Variants in BRWD1 observed in about 807,000 individuals in gnomAD.
The protein encoded by BRWD1 is bromodomain and WD repeat-containing protein 1.
A neutral mutation model predicts 251.2 loss-of-function variants in BRWD1; 82 were observed. The ratio of observed to expected loss-of-function variants is 0.33; its 90% CI spans 0.27 to 0.39. The LOEUF is 0.39. Ranked by LOEUF, BRWD1 falls within the 10% of genes least tolerant of loss-of-function variation. The pLI is 1.00. For missense variants in BRWD1, 2,233 were observed against 2,711.6 expected, an observed-to-expected ratio of 0.82 and a Z score of 3.92; for synonymous variants, 918 against 902.8, an observed-to-expected ratio of 1.02 and a Z score of -0.30.
In BRWD1 at chr21:39,195,013, C is replaced by T; in HGVS notation, c.*1246G>A. 2 of 1,393,550 alleles carry T rather than the reference C, an allele frequency of 1.4e-6. No individual in the cohort carries two copies. The highest frequency in any genetic ancestry group is 1.9e-6 in the Non-Finnish European group (2 of 1,077,014). The allele number at this position is 1,393,550 out of a possible 1,614,324, so 86.3% of individuals were successfully genotyped here. On this transcript the variant is annotated 3_prime_UTR_variant, in exon 41 of 41. Coordinates refer to ENST00000342449, the MANE Select transcript of BRWD1 (RefSeq NM_033656.4). ...GGAATGGCCATCTACACTGGAGTAG[C>T]ATAACCTATCAAGTATTTGGTTAGA...
chr21:39,202,261 G>T (rs2032146816), intron 38 of BRWD1, 64 bp downstream of exon 38: 1 of 1,211,400 alleles, frequency 8.3e-7, no homozygotes. Context: ...TAAATCTCTA[G>T]TAACGGCCAG....
chr21:39,234,308 T>C (rs557119165), intron 23 of BRWD1, among the ~76,000 whole-genome samples: 4 of 152,264 alleles, frequency 2.6e-5, no homozygotes, highest in Admixed American at 2.0e-4. Flanking sequence ...GGAGCTTATG[T>C]TTGGGAAGCT....
intron 4 of BRWD1, among the ~76,000 whole-genome samples, chr21:39,309,089 G>A (rs1017713914): frequency 1.3e-4 from 19 of 151,870 alleles, no homozygotes; most frequent in African/African-American, 3.4e-4. Flanking sequence ...CAGGCAAATC[G>A]CTTGAACCCG....
intron 4 of BRWD1, 24 bp downstream of exon 4, chr21:39,312,817 G>C: frequency 6.3e-7 from 1 of 1,587,686 alleles, no homozygotes; most frequent in South Asian, 1.1e-5. Context: ...GAAAACCCGG[G>C]GAGCAAACGT....
intron 4 of BRWD1, 23 bp from the exon 5 acceptor site, chr21:39,298,605 T>C (rs758025059): frequency 4.5e-6 from 7 of 1,558,360 alleles, no homozygotes; most frequent in Non-Finnish European, 6.1e-6. Flanking sequence ...CAAGTTTTAA[T>C]GACAACAGCT....
chr21:39,309,523 T>C (rs893424226), intron 4 of BRWD1, among the ~76,000 whole-genome samples: 9 of 151,640 alleles, frequency 5.9e-5, no homozygotes, highest in African/African-American at 2.2e-4. Context: ...TCAAACTAAT[T>C]GTAAAAAGAC....
At chr21:39,232,565 A>G (rs2033657229) in intron 23 of BRWD1, 67 bp from the exon 24 acceptor site, 5 of 1,529,572 alleles carry the variant, frequency 3.3e-6, no homozygotes, top group Non-Finnish European at 2.6e-6. Context: ...CTGAATGAAA[A>G]ATAAAAGAAA....
chr21:39,234,723 A>G (rs1438847687), intron 23 of BRWD1, among the ~76,000 whole-genome samples: 2 of 152,178 alleles, frequency 1.3e-5, no homozygotes, highest in African/African-American at 2.4e-5. Context: ...AGAAAATCAG[A>G]AAACTGGGCT....
intron 13 of BRWD1, among the ~76,000 whole-genome samples, chr21:39,272,081 C>T (rs1181868909): frequency 7.1e-6 from 1 of 140,866 alleles, no homozygotes; most frequent in African/African-American, 2.7e-5. Context: ...AAAAAAAACA[C>T]ACAGAAGAGA....
intron 20 of BRWD1, among the ~76,000 whole-genome samples, chr21:39,249,764 GAT>G (rs1165076679): frequency 6.6e-6 from 1 of 152,106 alleles, no homozygotes; most frequent in East Asian, 1.9e-4. Context: ...TTTCACGAGT[GAT>G]AATAGGTTAA....
intron 37 of BRWD1, among the ~76,000 whole-genome samples, chr21:39,202,878 T>A (rs2032182133): frequency 6.6e-6 from 1 of 152,232 alleles, no homozygotes; most frequent in Admixed American, 6.5e-5. Flanking sequence ...TCATTCATAC[T>A]ACCAATGTAA....
chr21:39,257,202 T>TA (rs5843954), intron 18 of BRWD1, among the ~76,000 whole-genome samples: 15,490 of 136,954 alleles, frequency 0.11, 936 homozygotes, highest in East Asian at 0.16. Flanking sequence ...TGAAGCTATT[T>TA]AAAAAAAAAA....
At chr21:39,276,092 A>G in intron 12 of BRWD1, 81 bp downstream of exon 12, 1 of 1,204,616 alleles carries the variant, frequency 8.3e-7, no homozygotes, top group South Asian at 2.0e-5. Flanking sequence ...TACATACAAA[A>G]TGACAGGTTA....
intron 4 of BRWD1, among the ~76,000 whole-genome samples, chr21:39,305,239 G>A (rs553285514): frequency 1.1e-4 from 17 of 152,166 alleles, no homozygotes; most frequent in African/African-American, 4.1e-4. Flanking sequence ...GATTACATGC[G>A]TGAGCCACCA....
At chr21:39,203,084 T>C (rs1462857278) in intron 37 of BRWD1, among the ~76,000 whole-genome samples, 2 of 152,230 alleles carry the variant, frequency 1.3e-5, no homozygotes, top group African/African-American at 4.8e-5. Flanking sequence ...AGGCCAGGAA[T>C]TATGAGAAAG....
At position 39,187,205 on chromosome 21, in the gene BRWD1, TC is replaced by T. The variant is rs758401559; in HGVS notation, c.*9053del. On this transcript the variant is annotated 3_prime_UTR_variant, in exon 41 of 41. Transcript: ENST00000342449. ...CGATGGGGCAGTTTTCTGCTACTCTTCCTAATCCAGACATTTTCTGGTCCTG... is the reference window on the plus strand; with the variant it reads ...CGATGGGGCAGTTTTCTGCTACTCTTCTAATCCAGACATTTTCTGGTCCTG... The T allele has an allele frequency of 6.2e-7, 1 of 1,613,478 alleles. No homozygotes were observed.
At chr21:39,184,394 C>CA (rs2031090201), downstream of BRWD1, 1 of 152,072 alleles carries the variant, frequency 6.6e-6, no homozygotes, top group Non-Finnish European at 1.5e-5. Context: ...TGCTGGAAGA[C>CA]AAAGTTCGAG....
chr21:39,203,022 C>T (rs1281789607), intron 37 of BRWD1, among the ~76,000 whole-genome samples: 1 of 152,150 alleles, frequency 6.6e-6, no homozygotes, highest in African/African-American at 2.4e-5. Context: ...ATTTTTGTCC[C>T]AAGACCAGAC....
intron 6 of BRWD1, 72 bp from the exon 7 acceptor site, chr21:39,295,975 C>T (rs2035951794): frequency 7.6e-7 from 1 of 1,319,518 alleles, no homozygotes; most frequent in Non-Finnish European, 1.0e-6. Context: ...ACTCAAATAA[C>T]AATTTCTAGA....
Sources: gnomAD v4.1 joint callset for allele counts (sites outside exome capture counted in the v4.1 genomes callset) on GRCh38, gnomAD v4.1.1 for gene constraint, MANE v1.5 for transcripts, NCBI Gene and HGNC (gene_info 2026-07-23, HGNC 2026-07-21) for gene names.